Variants in ADGRE3 observed in about 807,000 individuals in gnomAD.
The protein encoded by ADGRE3 is EGF-like module receptor 3.
In ADGRE3, 88 loss-of-function variants were observed where a neutral mutation model predicts 80.1. The ratio of observed to expected loss-of-function variants is 1.10; its 90% CI spans 0.93 to 1.31. The LOEUF (loss-of-function observed/expected upper bound fraction) is 1.31, where lower values mean the gene tolerates loss of function less well. Ranked by LOEUF, ADGRE3 falls within the 40% of genes most tolerant of loss-of-function variation. ADGRE3 has a pLI of 0.00. For synonymous variants in ADGRE3, 281 were observed against 294.8 expected (o/e 0.95, Z 0.48); for missense variants, 715 against 776.5 (o/e 0.92, Z 0.94).
chr19:14,641,906 C>G (rs544822299), intron 9 of ADGRE3, among the ~76,000 whole-genome samples: 1 of 152,172 alleles, frequency 6.6e-6, no homozygotes, highest in Admixed American at 6.5e-5. Context: ...TTATTTTCAG[C>G]TTTATTGAGG....
intron 5 of ADGRE3, among the ~76,000 whole-genome samples, chr19:14,656,647 A>G (rs1599642898): frequency 1.3e-5 from 2 of 152,238 alleles, no homozygotes; most frequent in Middle Eastern, 3.4e-3. Context: ...GGCAAAGAGA[A>G]GGGAAGATGG....
rs1449801552 is a variant in ADGRE3 at position 14,620,519 on chromosome 19, T to C, written c.1921-1048A>G. Among the ~76,000 whole-genome samples the C allele has an allele frequency of 4.5e-4, 25 of 55,642 alleles. 1 individual carries two copies. Among genetic ancestry groups the C allele is most frequent in the Admixed American group, 9.5e-4 (4 of 4,222 alleles). The allele number at this position is 55,642 out of a possible 152,430, so 36.5% of individuals were successfully genotyped here. A position where few individuals can be genotyped will look rare whatever the true frequency, so the allele number is the denominator to read the frequency against. ...TGAATATATGAATATATTATGACTA[T>C]ATATGAATATATATATTTTATATAT... On this transcript the variant is annotated intron_variant, in intron 15 of 15. Transcript: ENST00000253673.
Position 14,647,367 on chromosome 19 carries a change from T to A in ADGRE3, c.698-2A>T. ...AGATAAAGGCAATGGCACTGGGACC[T>A]GAGGAAACAGAAAGATGGAATCTTT... On this transcript the variant is annotated splice_acceptor_variant, in intron 7 of 15. Coordinates refer to ENST00000253673, the MANE Select transcript of ADGRE3 (RefSeq NM_032571.5). LOFTEE classifies it high-confidence loss of function. The A allele has an allele frequency of 6.4e-7, 1 of 1,559,938 alleles. No homozygotes were observed. The highest frequency in any genetic ancestry group is 8.7e-7 in the Non-Finnish European group (1 of 1,150,002).
intron 5 of ADGRE3, 88 bp from the exon 6 acceptor site, chr19:14,655,253 AG>A (rs1251483601): frequency 1.6e-6 from 2 of 1,225,138 alleles, no homozygotes; most frequent in Admixed American, 2.5e-5. Context: ...ATGAGAAAGC[AG>A]GCTCTGGAGC....
intron 9 of ADGRE3, among the ~76,000 whole-genome samples, chr19:14,642,304 G>T (rs963125298): frequency 1.3e-5 from 2 of 152,106 alleles, no homozygotes; most frequent in African/African-American, 4.8e-5. Context: ...TGGAGGCCAG[G>T]AGTTCAAGAC....
chr19:14,630,172 A>G lies in ADGRE3; in HGVS notation c.1679T>C (p.Ile560Thr). ...GCCCAGACACCATGTGCAGCCCAGG[A>G]TGAAGAGCTGAGCTGTTGCTTTGAA... is the stretch of plus-strand genomic sequence containing the variant. ...LAFKATAQLF[I>T]LGCTWCLGLL... The change falls in exon 14 of 16, where the codon ATC becomes ACC. Residue 560 changes from isoleucine to threonine, a missense_variant. By Grantham distance (89) the Ile-to-Thr change is moderately conservative. Transcript: ENST00000253673. 6.2e-7 allele frequency: 1 copy of G among 1,611,058 alleles called. No homozygotes were observed. Among genetic ancestry groups the G allele is most frequent in the Non-Finnish European group, 8.5e-7 (1 of 1,178,154 alleles).
chr19:14,615,823 A>T (rs953165474), downstream of ADGRE3, among the ~76,000 whole-genome samples: 14 of 151,720 alleles, frequency 9.2e-5, no homozygotes, highest in African/African-American at 3.4e-4. Flanking sequence ...GCAGTGGTGC[A>T]ATCATAGCTC....
intron 11 of ADGRE3, among the ~76,000 whole-genome samples, chr19:14,635,573 G>A (rs556678452): frequency 1.4e-4 from 21 of 151,788 alleles, no homozygotes; most frequent in Non-Finnish European, 2.6e-4. Context: ...CACCACGCCC[G>A]GCTAATTTTT....
chr19:14,660,101 A>T (rs879770934), intron 4 of ADGRE3, among the ~76,000 whole-genome samples: 6 of 152,264 alleles, frequency 3.9e-5, no homozygotes, highest in African/African-American at 1.4e-4. Flanking sequence ...TGCACACTTT[A>T]TCATTGGGTG....
chr19:14,645,781 C>G (rs1054937732), intron 8 of ADGRE3, among the ~76,000 whole-genome samples: 8 of 151,980 alleles, frequency 5.3e-5, no homozygotes. Flanking sequence ...AGACCAGCCT[C>G]GACAACATTA....
chr19:14,638,127 GA>G lies in ADGRE3; in HGVS notation c.1461del (p.His488ThrfsTer33). 6.2e-7 allele frequency: 1 copy of G among 1,614,046 alleles called. No homozygotes were observed. Among genetic ancestry groups the G allele is most frequent in the Non-Finnish European group, 8.5e-7 (1 of 1,179,912 alleles). On this transcript the variant is annotated frameshift_variant, in exon 11 of 16. Coordinates refer to ENST00000253673, the MANE Select transcript of ADGRE3 (RefSeq NM_032571.5). LOFTEE classifies it high-confidence loss of function. ...CACCGATCAGCAGTTCCATAAAGGT[GA>G]GGCCAGGAGGCTGCAGAAATGGCCA... ...VTVAISAASW[P>X]HLYGTADRCW...
At chr19:14,646,504 T>G (rs1295568346) in intron 8 of ADGRE3, among the ~76,000 whole-genome samples, 1 of 152,060 alleles carries the variant, frequency 6.6e-6, no homozygotes, top group African/African-American at 2.4e-5. Flanking sequence ...TTTATAATAC[T>G]TGTATTTGCA....
intron 11 of ADGRE3, among the ~76,000 whole-genome samples, chr19:14,637,283 C>T (rs775306820): frequency 8.5e-5 from 13 of 152,094 alleles, no homozygotes; most frequent in Non-Finnish European, 1.9e-4. Context: ...ATTTTCCAGC[C>T]TCCACACCCT....
intron 5 of ADGRE3, among the ~76,000 whole-genome samples, chr19:14,658,240 T>C (rs889834526): frequency 6.6e-6 from 1 of 151,596 alleles, no homozygotes; most frequent in Non-Finnish European, 1.5e-5. Flanking sequence ...TATCTATCTA[T>C]AGATATATGT....
rs560101623 is a variant in ADGRE3, at chr19:14,665,277, T to A, written c.77-1737A>T. On this transcript the variant is annotated intron_variant, in intron 2 of 15. Coordinates refer to ENST00000253673, the MANE Select transcript of ADGRE3 (RefSeq NM_032571.5). ...CGGGGGTTTCACGGTGTTAGCCAGG[T>A]TGGTCTTGATCTCCTGACCTCGTGA... Among the ~76,000 whole-genome samples the A allele has an allele frequency of 1.2e-4, 18 of 151,756 alleles. No individual in the cohort carries two copies. In the South Asian group the frequency reaches 3.3e-3, roughly 28 times the overall value.
chr19:14,625,737 A>G (rs1165759694), intron 14 of ADGRE3, 138 bp from the exon 15 acceptor site: 2 of 620,152 alleles, frequency 3.2e-6, no homozygotes, highest in Admixed American at 2.9e-5. Flanking sequence ...GTACAATGGA[A>G]TATTACTCAG....
At chr19:14,668,281 C>T (rs1261026608) in intron 2 of ADGRE3, among the ~76,000 whole-genome samples, 1 of 151,972 alleles carries the variant, frequency 6.6e-6, no homozygotes, top group Non-Finnish European at 1.5e-5. Flanking sequence ...AAAAGAGACT[C>T]TCAGGTTCCA....
At chr19:14,662,903 CAAAAAAAAA>C (rs1209543540) in intron 3 of ADGRE3, among the ~76,000 whole-genome samples, 2 of 92,592 alleles carry the variant, frequency 2.2e-5, no homozygotes, top group Non-Finnish European at 4.0e-5. Context: ...TCCATCTCTA[CAAAAAAAAA>C]AAAAAAAAAA....
At position 14,625,512 on chromosome 19, in the gene ADGRE3, G is replaced by A; in HGVS notation, c.1900C>T (p.Pro634Ser). Residue 634 changes from proline (P) to serine (S), a missense_variant, in exon 15 of 16, where the codon CCT (proline) becomes TCT (serine). Physicochemically the swap from Pro to Ser is moderately conservative, Grantham distance 74. Coordinates refer to ENST00000253673, the MANE Select transcript of ADGRE3 (RefSeq NM_032571.5). ...ETYTLSSKMG[P>S]DSKPSEGDVF... ...CTTACCTCACTGGGTTTTGAGTCAG[G>A]ACCCATCTTGCTGGAAAGTGTGTAT... The A allele has an allele frequency of 2.5e-6, 4 of 1,611,546 alleles. No homozygotes were observed. Among genetic ancestry groups the A allele is most frequent in the Non-Finnish European group, 3.4e-6 (4 of 1,177,670 alleles).
Sources: allele counts gnomAD v4.1 joint callset (sites outside exome capture counted in the v4.1 genomes callset), GRCh38; gene constraint gnomAD v4.1.1; transcripts MANE v1.5; gene names NCBI Gene and HGNC (gene_info 2026-07-23, HGNC 2026-07-21).